The following NEK1 variants were observed in gnomAD, a reference collection of about 807,000 sequenced individuals.
NEK1 encodes the protein serine/threonine-protein kinase Nek1.
In NEK1, 137 loss-of-function variants were observed where a neutral mutation model predicts 182.1. The observed-to-expected ratio is 0.75, with a 90% CI of 0.65 to 0.87. The LOEUF is 0.87. Among genes scored for constraint, NEK1 ranks in the 40% least tolerant of loss-of-function variants. NEK1 has a pLI of 0.00. For missense variants in NEK1, 1,391 were observed against 1,494.4 expected (o/e 0.93, Z 1.14); for synonymous variants, 513 against 492.2 (o/e 1.04, Z -0.56).
chr4:169,538,280 TA>T (rs1368969725), intron 18 of NEK1, among the ~76,000 whole-genome samples: 1 of 152,228 alleles, frequency 6.6e-6, no homozygotes, highest in East Asian at 1.9e-4. Context: ...ATAAGAATCT[TA>T]GCAGCGAAGT....
At chr4:169,445,865 T>TATATATAC (rs569539235) in intron 27 of NEK1, among the ~76,000 whole-genome samples, 1 of 143,216 alleles carries the variant, frequency 7.0e-6, no homozygotes, top group Non-Finnish European at 1.5e-5. Context: ...TATATATATA[T>TATATATAC]ACACACACAC....
chr4:169,490,112 C>T (rs922437199), intron 23 of NEK1, among the ~76,000 whole-genome samples: 4 of 152,160 alleles, frequency 2.6e-5, no homozygotes, highest in Non-Finnish European at 4.4e-5. Flanking sequence ...ATCCTAATAA[C>T]CTATGCTGCT....
intron 18 of NEK1, among the ~76,000 whole-genome samples, chr4:169,546,658 C>A (rs187137372): frequency 6.6e-4 from 101 of 152,240 alleles, no homozygotes; most frequent in Middle Eastern, 6.8e-3. Flanking sequence ...TCTGGGTGCT[C>A]CTGTATTGGG....
intron 31 of NEK1, among the ~76,000 whole-genome samples, chr4:169,422,941 C>T (rs1463954698): frequency 6.6e-6 from 1 of 152,082 alleles, no homozygotes; most frequent in African/African-American, 2.4e-5. Flanking sequence ...TTCTCTCTAA[C>T]TCTGAAGATC....
At chr4:169,474,469 A>G (rs932016555) in intron 26 of NEK1, among the ~76,000 whole-genome samples, 4 of 152,182 alleles carry the variant, frequency 2.6e-5, no homozygotes, top group African/African-American at 9.7e-5. Context: ...CAGCTTCTTG[A>G]AAAGGTTCTA....
intron 2 of NEK1, among the ~76,000 whole-genome samples, chr4:169,606,909 TTTTCCCTG>T (rs1374688390): frequency 2.0e-5 from 3 of 152,216 alleles, no homozygotes; most frequent in Non-Finnish European, 4.4e-5. Context: ...CATCCCAGCC[TTTTCCCTG>T]AAGAGAGTTT....
intron 12 of NEK1, among the ~76,000 whole-genome samples, chr4:169,570,804 T>C (rs1299604527): frequency 6.6e-6 from 1 of 152,180 alleles, no homozygotes; most frequent in Admixed American, 6.5e-5. Flanking sequence ...GAAGTAGACA[T>C]GGGAGACTTT....
chr4:169,543,838 C>T (rs1446149430), intron 18 of NEK1, among the ~76,000 whole-genome samples: 1 of 152,168 alleles, frequency 6.6e-6, no homozygotes, highest in Non-Finnish European at 1.5e-5. Context: ...ATTTTGTATG[C>T]TGAGACTTTG....
intron 23 of NEK1, among the ~76,000 whole-genome samples, chr4:169,492,099 A>G (rs1394190331): frequency 2.0e-5 from 3 of 152,344 alleles, no homozygotes; most frequent in East Asian, 3.9e-4. Context: ...AAGGACCAAA[A>G]AACAACCAGA....
Position 169,393,950 on chromosome 4 carries a change from C to T in NEK1, c.*560G>A, listed in dbSNP as rs1730297199. The T allele has an allele frequency of 6.6e-6, 1 of 152,186 alleles. No individual in the cohort carries two copies. The highest frequency in any genetic ancestry group is 1.5e-5 in the Non-Finnish European group (1 of 68,034). The allele number at this position is 152,186 out of a possible 1,614,324, so 9.4% of individuals were successfully genotyped here. ...ACAGCCTGTGTGCTAGTTCAGGAGA[C>T]ACACTGATTGTAAAAGGACTTGAGA... On this transcript the variant is annotated 3_prime_UTR_variant, in exon 36 of 36. Coordinates refer to ENST00000507142, the MANE Select transcript of NEK1 (RefSeq NM_001199397.3).
At chr4:169,590,265 C>T (rs532768026) in intron 6 of NEK1, among the ~76,000 whole-genome samples, 20 of 152,194 alleles carry the variant, frequency 1.3e-4, no homozygotes, top group Non-Finnish European at 2.6e-4. Flanking sequence ...CCTGAAATCA[C>T]GCCACTGCAC....
At chr4:169,465,446 G>A (rs1257047758) in intron 26 of NEK1, among the ~76,000 whole-genome samples, 1 of 152,076 alleles carries the variant, frequency 6.6e-6, no homozygotes, top group African/African-American at 2.4e-5. Context: ...GTGTTTGCAA[G>A]ATAGGAGTAC....
chr4:169,537,670 G>C, intron 19 of NEK1, 139 bp downstream of exon 19: 1 of 678,878 alleles, frequency 1.5e-6, no homozygotes, highest in Non-Finnish European at 2.6e-6. Flanking sequence ...CTCTGCAAAT[G>C]ACTTCTGAGT....
intron 2 of NEK1, among the ~76,000 whole-genome samples, chr4:169,610,341 C>T (rs1307832198): frequency 2.0e-5 from 3 of 151,378 alleles, no homozygotes; most frequent in Admixed American, 6.6e-5. Flanking sequence ...TTGAGACAAG[C>T]CTCACTCAGT....
intron 18 of NEK1, among the ~76,000 whole-genome samples, chr4:169,545,052 T>A (rs1224662728): frequency 8.7e-6 from 1 of 114,554 alleles, no homozygotes. Flanking sequence ...CTTCTCTGAT[T>A]CTTTTTTTTT....
chr4:169,522,493 C>CA lies in NEK1; in HGVS notation c.1666-13642dup, dbSNP rs571197264. Reference sequence around the variant, plus strand: ...CTATTTTATGCAGGAAGTAGCCTGTCAAAGTTTAGCAATCGGCTTCTAGCC... The same window carrying CA: ...CTATTTTATGCAGGAAGTAGCCTGTCAAAAGTTTAGCAATCGGCTTCTAGCC... On this transcript the variant is annotated intron_variant, in intron 19 of 35. Transcript: ENST00000507142. Among the ~76,000 whole-genome samples, 172 of 152,318 alleles carry CA rather than the reference C, an allele frequency of 1.1e-3. 2 individuals are homozygous for CA. Among genetic ancestry groups the CA allele is most frequent in the African/African-American group, 3.8e-3 (157 of 41,570 alleles).
intron 27 of NEK1, among the ~76,000 whole-genome samples, chr4:169,442,451 C>T (rs990853149): frequency 6.6e-6 from 1 of 151,998 alleles, no homozygotes; most frequent in African/African-American, 2.4e-5. Flanking sequence ...AAAGTCTTTG[C>T]CTACGAAAGT....
Position 169,477,517 on chromosome 4 carries a change from C to G in NEK1, c.2140-20G>C. On this transcript the variant is annotated intron_variant, in intron 24 of 35. Coordinates refer to ENST00000507142, the MANE Select transcript of NEK1 (RefSeq NM_001199397.3). ...ACTGTCCTTTAAATGCAGATAGATA[C>G]AGAGGAAGAGATAATTTTATTTTTT... 6.5e-7 allele frequency: 1 copy of G among 1,547,628 alleles called. No individual in the cohort carries two copies. The highest frequency in any genetic ancestry group is 1.2e-5 in the South Asian group (1 of 82,896).
chr4:169,416,724 A>G (rs1734605508), intron 31 of NEK1, among the ~76,000 whole-genome samples: 2 of 152,108 alleles, frequency 1.3e-5, no homozygotes, highest in South Asian at 4.1e-4. Flanking sequence ...GGGCAACATA[A>G]CGAGACCTTG....
Sources: gnomAD v4.1 joint callset for allele counts (sites outside exome capture counted in the v4.1 genomes callset) on GRCh38, gnomAD v4.1.1 for gene constraint, MANE v1.5 for transcripts, NCBI Gene and HGNC (gene_info 2026-07-23, HGNC 2026-07-21) for gene names.